The following UGGT2 variants were observed in gnomAD, a reference collection of about 807,000 sequenced individuals.
The protein encoded by UGGT2 is UDP-glucose glycoprotein glucosyltransferase 2.
Under a neutral mutation model 192.1 loss-of-function variants are expected in UGGT2, and 180 were observed. The ratio of observed to expected loss-of-function variants is 0.94; its 90% CI spans 0.83 to 1.06. The LOEUF (loss-of-function observed/expected upper bound fraction) is 1.06, where lower values mean the gene tolerates loss of function less well. UGGT2 is among the 50% of genes least tolerant of loss of function. The pLI, the probability that UGGT2 is intolerant of heterozygous loss-of-function variation, is 0.00. For missense variants in UGGT2, 1,849 were observed against 1,795.7 expected, an observed-to-expected ratio of 1.03 and a Z score of -0.54; for synonymous variants, 580 against 591.0, an observed-to-expected ratio of 0.98 and a Z score of 0.27.
At chr13:95,919,556 A>G (rs751129854) in intron 20 of UGGT2, among the ~76,000 whole-genome samples, 2 of 152,218 alleles carry the variant, frequency 1.3e-5, no homozygotes, top group Non-Finnish European at 2.9e-5. Context: ...AATCTCTAGC[A>G]TTCCTATACA....
intron 32 of UGGT2, 23 bp from the exon 33 acceptor site, chr13:95,859,698 C>T: frequency 1.3e-6 from 2 of 1,534,468 alleles, no homozygotes; most frequent in African/African-American, 2.8e-5. Context: ...ATATTAAACC[C>T]AATATACATT....
chr13:96,028,156 C>T (rs541851151), intron 2 of UGGT2, among the ~76,000 whole-genome samples: 12 of 152,292 alleles, frequency 7.9e-5, no homozygotes, highest in African/African-American at 2.6e-4. Flanking sequence ...ACCCTTTATC[C>T]TATAATTTAT....
intron 20 of UGGT2, among the ~76,000 whole-genome samples, chr13:95,914,695 G>A (rs1051125544): frequency 6.8e-5 from 10 of 147,658 alleles, no homozygotes; most frequent in Non-Finnish European, 1.5e-4. Context: ...AACCACATGC[G>A]AGGCTGAGGC....
intron 17 of UGGT2, among the ~76,000 whole-genome samples, chr13:95,935,332 C>T (rs2049427407): frequency 6.6e-6 from 1 of 152,166 alleles, no homozygotes; most frequent in Non-Finnish European, 1.5e-5. Flanking sequence ...TTCTTCCATT[C>T]CCTTAAAGAG....
chr13:95,834,626 C>T (rs1887087264), intron 37 of UGGT2, among the ~76,000 whole-genome samples: 1 of 152,242 alleles, frequency 6.6e-6, no homozygotes, highest in Non-Finnish European at 1.5e-5. Flanking sequence ...TGAAGAATAG[C>T]ATGTTCTCTC....
chr13:95,964,926 T>C (rs1194747166), intron 12 of UGGT2, among the ~76,000 whole-genome samples: 1 of 151,988 alleles, frequency 6.6e-6, no homozygotes, highest in Non-Finnish European at 1.5e-5. Flanking sequence ...AAAAAGTGGG[T>C]GAAGGACATG....
chr13:95,918,178 AAC>A (rs889629806), intron 20 of UGGT2, among the ~76,000 whole-genome samples: 78 of 152,354 alleles, frequency 5.1e-4, no homozygotes, highest in Admixed American at 4.5e-3. Context: ...GTGAAATCGT[AAC>A]AGTCTTTCAG....
chr13:95,950,400 G>A (rs570648265), intron 12 of UGGT2, among the ~76,000 whole-genome samples: 2 of 152,122 alleles, frequency 1.3e-5, no homozygotes, highest in African/African-American at 4.8e-5. Flanking sequence ...GATCCTAGAA[G>A]TAAGACACAA....
intron 15 of UGGT2, among the ~76,000 whole-genome samples, chr13:95,942,249 T>G (rs1008000179): frequency 2.6e-5 from 4 of 151,158 alleles, no homozygotes; most frequent in African/African-American, 9.7e-5. Flanking sequence ...TGTGTGTGTG[T>G]GTGTGTGTGT....
intron 36 of UGGT2, among the ~76,000 whole-genome samples, chr13:95,850,669 T>C (rs1459443855): frequency 6.6e-6 from 1 of 152,200 alleles, no homozygotes. Flanking sequence ...AGGTAAACAC[T>C]GAGCTTCTAA....
At chr13:95,809,976 G>T (rs918011997) in intron 38 of UGGT2, among the ~76,000 whole-genome samples, 1 of 152,132 alleles carries the variant, frequency 6.6e-6, no homozygotes, top group Non-Finnish European at 1.5e-5. Context: ...TATTTTGCAA[G>T]AATTATAAAG....
At chr13:95,966,698 T>TA (rs1179839243) in intron 12 of UGGT2, among the ~76,000 whole-genome samples, 1 of 152,116 alleles carries the variant, frequency 6.6e-6, no homozygotes, top group African/African-American at 2.4e-5. Context: ...TGTATCAATT[T>TA]AAAAAACCAA....
intron 15 of UGGT2, among the ~76,000 whole-genome samples, chr13:95,942,527 T>G (rs1156954445): frequency 6.6e-6 from 1 of 152,160 alleles, no homozygotes; most frequent in East Asian, 1.9e-4. Flanking sequence ...AATTATCTTG[T>G]TTAGTTACCA....
At chr13:95,996,002 A>T in intron 7 of UGGT2, 61 bp downstream of exon 7, 1 of 1,442,264 alleles carries the variant, frequency 6.9e-7, no homozygotes, top group Non-Finnish European at 9.7e-7. Context: ...CAGTATATCA[A>T]ATTAATTCCT....
intron 29 of UGGT2, among the ~76,000 whole-genome samples, chr13:95,875,952 T>TA (rs1392568582): frequency 1.3e-5 from 2 of 152,166 alleles, no homozygotes; most frequent in Admixed American, 6.5e-5. Flanking sequence ...ATTAAGGGTA[T>TA]AAAAAAGACT....
At chr13:96,007,980 T>C (rs2052033597) in intron 5 of UGGT2, among the ~76,000 whole-genome samples, 1 of 152,164 alleles carries the variant, frequency 6.6e-6, no homozygotes, top group Admixed American at 6.5e-5. Context: ...ACAACCATAA[T>C]GCAGAAGAAT....
chr13:95,904,288 A>G (rs1489828440), intron 20 of UGGT2, among the ~76,000 whole-genome samples: 1 of 151,904 alleles, frequency 6.6e-6, no homozygotes, highest in East Asian at 1.9e-4. Flanking sequence ...AAGATAATCT[A>G]TATTATCTTT....
chr13:95,857,573 C>G (rs894312783), intron 33 of UGGT2, among the ~76,000 whole-genome samples: 17 of 152,058 alleles, frequency 1.1e-4, no homozygotes, highest in African/African-American at 3.6e-4. Context: ...CTGGTAGGAA[C>G]AAATCTAAAG....
chr13:95,982,731 A>G (rs1480724566), intron 10 of UGGT2, among the ~76,000 whole-genome samples: 1 of 152,078 alleles, frequency 6.6e-6, no homozygotes, highest in Non-Finnish European at 1.5e-5. Context: ...TGTCATAAGA[A>G]AACAATCCAT....
Sources: allele counts gnomAD v4.1 joint callset (sites outside exome capture counted in the v4.1 genomes callset), GRCh38; gene constraint gnomAD v4.1.1; transcripts MANE v1.5; gene names NCBI Gene and HGNC (gene_info 2026-07-23, HGNC 2026-07-21).